Variants in MYO1D observed in about 807,000 individuals in gnomAD.
MYO1D encodes the protein unconventional myosin-Id.
Under a neutral mutation model 122.0 loss-of-function variants are expected in MYO1D, and 83 were observed. The observed-to-expected ratio is 0.68, with a 90% confidence interval of 0.57 to 0.82. MYO1D has a LOEUF of 0.82. Among genes scored for constraint, MYO1D ranks in the 40% least tolerant of loss-of-function variants. The pLI is 0.00. For missense variants in MYO1D, 1,157 were observed against 1,269.5 expected (o/e 0.91, Z 1.35); for synonymous variants, 464 against 446.9 (o/e 1.04, Z -0.48).
chr17:32,582,693 C>G (rs1169816272), intron 21 of MYO1D, among the ~76,000 whole-genome samples: 1 of 152,128 alleles, frequency 6.6e-6, no homozygotes, highest in Non-Finnish European at 1.5e-5. Context: ...TTCACATTTT[C>G]TATATGCTTA....
intron 16 of MYO1D, among the ~76,000 whole-genome samples, chr17:32,699,244 CA>C (rs1329103105): frequency 6.6e-6 from 1 of 152,158 alleles, no homozygotes; most frequent in African/African-American, 2.4e-5. Flanking sequence ...GGATTACAGG[CA>C]TGATCCACCG....
chr17:32,855,829 C>T (rs1052281310), intron 1 of MYO1D, among the ~76,000 whole-genome samples: 13 of 152,214 alleles, frequency 8.5e-5, no homozygotes, highest in Non-Finnish European at 1.3e-4. Context: ...ATCTCTGGAA[C>T]GCACAGCACA....
chr17:32,634,058 T>C (rs1849927010), intron 20 of MYO1D, among the ~76,000 whole-genome samples: 2 of 152,238 alleles, frequency 1.3e-5, no homozygotes, highest in Admixed American at 6.5e-5. Context: ...GGCTGGCATA[T>C]AATGAACACT....
At chr17:32,557,404 C>T (rs1228232622) in intron 21 of MYO1D, among the ~76,000 whole-genome samples, 1 of 152,070 alleles carries the variant, frequency 6.6e-6, no homozygotes, top group Non-Finnish European at 1.5e-5. Context: ...CCACTGTGCC[C>T]GGCCTAGTTC....
At chr17:32,691,477 G>A (rs2089099909) in intron 16 of MYO1D, among the ~76,000 whole-genome samples, 1 of 144,474 alleles carries the variant, frequency 6.9e-6, no homozygotes, top group African/African-American at 2.6e-5. Flanking sequence ...TACAATTTCA[G>A]CTCACTGCAA....
At chr17:32,593,266 C>G (rs1360752842) in intron 21 of MYO1D, among the ~76,000 whole-genome samples, 2 of 152,220 alleles carry the variant, frequency 1.3e-5, no homozygotes, top group African/African-American at 4.8e-5. Flanking sequence ...GAAGCCACCA[C>G]TACAGGAGAG....
chr17:32,708,989 G>A (rs2089341952), intron 16 of MYO1D, among the ~76,000 whole-genome samples: 1 of 152,188 alleles, frequency 6.6e-6, no homozygotes, highest in Non-Finnish European at 1.5e-5. Context: ...TGCAGCCCTA[G>A]TAGCACACCT....
intron 1 of MYO1D, among the ~76,000 whole-genome samples, chr17:32,841,696 G>A (rs1350359321): frequency 6.6e-6 from 1 of 152,056 alleles, no homozygotes; most frequent in Non-Finnish European, 1.5e-5. Context: ...TCCCTGTGAG[G>A]GTGAAAAAAG....
intron 1 of MYO1D, among the ~76,000 whole-genome samples, chr17:32,829,940 A>G (rs2090756769): frequency 6.6e-6 from 1 of 152,178 alleles, no homozygotes; most frequent in Non-Finnish European, 1.5e-5. Flanking sequence ...TTTAATTCAC[A>G]TATCATCAAA....
chr17:32,714,867 A>C (rs1380319327), intron 15 of MYO1D, among the ~76,000 whole-genome samples: 2 of 152,244 alleles, frequency 1.3e-5, no homozygotes, highest in Non-Finnish European at 2.9e-5. Context: ...CATCAGAGTG[A>C]ACAGACAACT....
intron 21 of MYO1D, among the ~76,000 whole-genome samples, chr17:32,535,136 T>C (rs368815454): frequency 9.9e-4 from 151 of 152,344 alleles, no homozygotes; most frequent in African/African-American, 3.6e-3. Flanking sequence ...CAAGCATGTA[T>C]GTTATTTCTA....
chr17:32,855,775 G>A (rs1320428806), intron 1 of MYO1D, among the ~76,000 whole-genome samples: 1 of 152,188 alleles, frequency 6.6e-6, no homozygotes, highest in African/African-American at 2.4e-5. Context: ...TAAATGGAGA[G>A]GAGGTCACAA....
At chr17:32,673,356 G>A (rs1473903744) in intron 16 of MYO1D, among the ~76,000 whole-genome samples, 5 of 151,540 alleles carry the variant, frequency 3.3e-5, no homozygotes, top group Non-Finnish European at 5.9e-5. Context: ...TGCCTGCCTC[G>A]GCCTCCCAAA....
At chr17:32,765,131 A>C in intron 7 of MYO1D, 50 bp from the exon 8 acceptor site, 1 of 1,461,284 alleles carries the variant, frequency 6.8e-7, no homozygotes, top group Non-Finnish European at 9.5e-7. Flanking sequence ...TATGTCAAGG[A>C]TATATTTGCC....
chr17:32,643,040 T>C (rs2088227284), intron 19 of MYO1D, among the ~76,000 whole-genome samples: 1 of 152,222 alleles, frequency 6.6e-6, no homozygotes, highest in African/African-American at 2.4e-5. Context: ...GCCCATTCAG[T>C]ATGATATTGG....
intron 1 of MYO1D, among the ~76,000 whole-genome samples, chr17:32,819,663 T>C (rs558990579): frequency 2.5e-4 from 38 of 152,344 alleles, no homozygotes; most frequent in African/African-American, 8.4e-4. Context: ...TACCTTTAGT[T>C]TCTACTAGTA....
chr17:32,622,755 C>G (rs764497975), intron 20 of MYO1D, among the ~76,000 whole-genome samples: 7 of 152,164 alleles, frequency 4.6e-5, no homozygotes, highest in African/African-American at 7.2e-5. Flanking sequence ...GGGCAAAGAG[C>G]AGTTTCTAAT....
chr17:32,569,191 G>C (rs1278274471), intron 21 of MYO1D, among the ~76,000 whole-genome samples: 1 of 152,216 alleles, frequency 6.6e-6, no homozygotes, highest in Non-Finnish European at 1.5e-5. Context: ...AACTTCAGCT[G>C]ATTTCCATGT....
chr17:32,809,640 T>C (rs2090552081), intron 1 of MYO1D, among the ~76,000 whole-genome samples: 1 of 152,142 alleles, frequency 6.6e-6, no homozygotes, highest in Non-Finnish European at 1.5e-5. Flanking sequence ...GGTTTTACCA[T>C]GTTGGCCAAG....
Sources: gnomAD v4.1 joint callset for allele counts (sites outside exome capture counted in the v4.1 genomes callset) on GRCh38, gnomAD v4.1.1 for gene constraint, MANE v1.5 for transcripts, NCBI Gene and HGNC (gene_info 2026-07-23, HGNC 2026-07-21) for gene names.